TANGO6: variants seen among roughly 807,000 people sequenced by gnomAD.
TANGO6 encodes transport and Golgi organization protein 6 homolog.
Under a neutral mutation model 114.2 loss-of-function variants are expected in TANGO6, and 90 were observed. The observed-to-expected ratio is 0.79, with a 90% CI of 0.66 to 0.94. The LOEUF (loss-of-function observed/expected upper bound fraction) is 0.94. Ranked by LOEUF, TANGO6 falls within the 40% of genes least tolerant of loss-of-function variation. TANGO6 has a pLI of 0.00. For missense variants in TANGO6, 1,274 were observed against 1,315.3 expected (o/e 0.97, Z 0.49); for synonymous variants, 477 against 509.8 (o/e 0.94, Z 0.87).
intron 14 of TANGO6, among the ~76,000 whole-genome samples, chr16:68,968,258 G>A (rs1324261096): frequency 6.6e-6 from 1 of 151,714 alleles, no homozygotes; most frequent in African/African-American, 2.4e-5. Context: ...TAGAGACAGG[G>A]TTTCACCATA....
intron 1 of TANGO6, among the ~76,000 whole-genome samples, chr16:68,858,294 C>A (rs1381113098): frequency 6.6e-6 from 1 of 152,142 alleles, no homozygotes; most frequent in Non-Finnish European, 1.5e-5. Context: ...CAACTCCTGA[C>A]CTCAAGTGTT....
rs776074236 is a variant in TANGO6 at position 68,927,985 on chromosome 16, C to T, written c.2545C>T (p.Pro849Ser). Residue 849 changes from proline to serine, a missense_variant, in exon 13 of 18, where the codon CCT becomes TCT. Pro to Ser is a moderately conservative substitution (Grantham distance 74). Transcript: ENST00000261778. Reference protein sequence around the residue: ...LQEVLLSAYDPQIPTRAAALR... With the variant: ...LQEVLLSAYDSQIPTRAAALR... ...AGAGGTTCTTTTGTCAGCTTATGAC[C>T]CTCAAATTCCAACACGGGCTGCTGC... The T allele has an allele frequency of 2.5e-6, 4 of 1,613,142 alleles. No individual in the cohort carries two copies. In the Admixed American group the frequency reaches 6.7e-5, roughly 27 times the overall value.
rs550757495 is a variant in TANGO6, at chr16:68,915,519, C to T, written c.1993-3566C>T. On this transcript the variant is annotated intron_variant, in intron 11 of 17. Coordinates refer to ENST00000261778, the MANE Select transcript of TANGO6 (RefSeq NM_024562.2). Reference sequence around the variant, plus strand: ...GGCCTAAAGTGATCTCCTGCCTTGGCCTCCCAAAGTATTAGGTTACAGGCG... The same window carrying T: ...GGCCTAAAGTGATCTCCTGCCTTGGTCTCCCAAAGTATTAGGTTACAGGCG... Among the ~76,000 whole-genome samples the T allele has an allele frequency of 2.8e-4, 43 of 152,286 alleles. No homozygotes were observed. The South Asian group carries it at 3.7e-3, about 13-fold the overall frequency.
At chr16:69,043,609 G>A (rs2152235099) in intron 17 of TANGO6, among the ~76,000 whole-genome samples, 2 of 152,234 alleles carry the variant, frequency 1.3e-5, no homozygotes, top group South Asian at 4.1e-4. Context: ...CCTCTTCCTG[G>A]TACATCCTTG....
chr16:68,843,787 T>G, intron 1 of TANGO6, 76 bp downstream of exon 1: 1 of 1,468,276 alleles, frequency 6.8e-7, no homozygotes, highest in East Asian at 2.3e-5. Flanking sequence ...TGCCCTGCCT[T>G]CCGCAGCGTG....
chr16:69,057,105 C>T (rs1231120610), intron 17 of TANGO6, among the ~76,000 whole-genome samples: 1 of 145,910 alleles, frequency 6.9e-6, no homozygotes, highest in Non-Finnish European at 1.5e-5. Context: ...GGGTTCACGT[C>T]CCAGGTTCAC....
chr16:68,976,752 G>A (rs12019060), intron 15 of TANGO6, among the ~76,000 whole-genome samples: 5,271 of 152,222 alleles, frequency 0.035, 319 homozygotes, highest in African/African-American at 0.12. Flanking sequence ...ATGAGGTTCC[G>A]TTTTAGGGCT....
intron 12 of TANGO6, among the ~76,000 whole-genome samples, chr16:68,921,906 C>T (rs1275878559): frequency 6.6e-6 from 1 of 151,868 alleles, no homozygotes; most frequent in Non-Finnish European, 1.5e-5. Flanking sequence ...ATACCTTTGC[C>T]CTAGATCTAC....
At chr16:68,938,547 A>G (rs1010362518) in intron 14 of TANGO6, among the ~76,000 whole-genome samples, 1 of 151,930 alleles carries the variant, frequency 6.6e-6, no homozygotes, top group Non-Finnish European at 1.5e-5. Context: ...TTAGTTGGAT[A>G]TGAGAGGCAT....
chr16:68,903,644 A>T (rs1018098968), intron 9 of TANGO6, among the ~76,000 whole-genome samples: 1 of 148,350 alleles, frequency 6.7e-6, no homozygotes, highest in Non-Finnish European at 1.5e-5. Flanking sequence ...AAGAAGGACC[A>T]GGCGTGGTGG....
chr16:68,955,074 C>T (rs535799020), intron 14 of TANGO6, among the ~76,000 whole-genome samples: 1 of 152,124 alleles, frequency 6.6e-6, no homozygotes, highest in Non-Finnish European at 1.5e-5. Flanking sequence ...TAGTACCCCC[C>T]GTTGACCTTT....
chr16:68,876,851 C>T (rs1002122481), intron 5 of TANGO6, among the ~76,000 whole-genome samples: 6 of 152,074 alleles, frequency 3.9e-5, no homozygotes, highest in Non-Finnish European at 7.4e-5. Flanking sequence ...CACAGTGTAC[C>T]TTGGAGATCA....
chr16:68,999,073 A>G (rs985135810), intron 15 of TANGO6, among the ~76,000 whole-genome samples: 1 of 152,042 alleles, frequency 6.6e-6, no homozygotes, highest in Admixed American at 6.6e-5. Flanking sequence ...TAGAAAAGAC[A>G]GGGTTTTGCC....
chr16:69,020,506 G>T (rs1382566083), intron 15 of TANGO6, among the ~76,000 whole-genome samples: 2 of 152,206 alleles, frequency 1.3e-5, no homozygotes, highest in Non-Finnish European at 2.9e-5. Flanking sequence ...TTCAAGGAGG[G>T]CTAATTGAAG....
rs1334558788 is a variant in TANGO6 at position 68,903,847 on chromosome 16, A to G, written c.1667+1343A>G. On this transcript the variant is annotated intron_variant, in intron 9 of 17. Transcript: ENST00000261778. The stretch of plus-strand genomic sequence containing the variant: ...TGAGGCAGGACTGTCACTCGAACCC[A>G]GGAGATGAAGGTTGCAGTAAGCCAA... 2.0e-5 allele frequency among the ~76,000 whole-genome samples: 3 copies of G among 152,022 alleles called. No homozygotes were observed. In the East Asian group the frequency reaches 5.8e-4, roughly 29 times the overall value.
chr16:68,851,260 A>G (rs996795294), intron 1 of TANGO6, among the ~76,000 whole-genome samples: 1 of 152,048 alleles, frequency 6.6e-6, no homozygotes, highest in African/African-American at 2.4e-5. Flanking sequence ...CCCAGGTTCA[A>G]GCGATTCTCC....
intron 14 of TANGO6, among the ~76,000 whole-genome samples, chr16:68,963,998 G>A (rs1056494849): frequency 6.6e-6 from 1 of 152,022 alleles, no homozygotes; most frequent in African/African-American, 2.4e-5. Flanking sequence ...ATTCTGCTGT[G>A]TTAGTTGCAA....
intron 1 of TANGO6, among the ~76,000 whole-genome samples, chr16:68,845,156 C>T (rs151052956): frequency 4.7e-4 from 71 of 152,134 alleles, no homozygotes; most frequent in Middle Eastern, 3.4e-3. Context: ...TTAGTAGAGA[C>T]GGAGTTTTGC....
intron 14 of TANGO6, among the ~76,000 whole-genome samples, chr16:68,958,368 A>G (rs1963555318): frequency 6.6e-6 from 1 of 150,940 alleles, no homozygotes; most frequent in African/African-American, 2.4e-5. Context: ...GCATGCCTGT[A>G]ATCTCAGCTA....
Sources: gnomAD v4.1 joint callset for allele counts (sites outside exome capture counted in the v4.1 genomes callset) on GRCh38, gnomAD v4.1.1 for gene constraint, MANE v1.5 for transcripts, NCBI Gene and HGNC (gene_info 2026-07-23, HGNC 2026-07-21) for gene names.